Variants in HERC1 observed in about 807,000 individuals in gnomAD.
HERC1 encodes the protein HECT and RLD domain containing E3 ubiquitin protein ligase family member 1.
A neutral mutation model predicts 554.3 loss-of-function variants in HERC1; 160 were observed. The observed-to-expected ratio is 0.29, with a 90% CI of 0.25 to 0.33. The LOEUF (loss-of-function observed/expected upper bound fraction) is 0.33, where lower values mean the gene tolerates loss of function less well. HERC1 is among the 10% of genes least tolerant of loss of function. The pLI is 1.00. For synonymous variants in HERC1, 2,175 were observed against 2,131.7 expected (o/e 1.02, Z -0.56); for missense variants, 4,919 against 5,918.5 (o/e 0.83, Z 5.54).
chr15:63,762,319 A>ATTAT (rs779195461), intron 3 of HERC1, among the ~76,000 whole-genome samples: 12 of 152,042 alleles, frequency 7.9e-5, no homozygotes, highest in South Asian at 2.1e-4. Flanking sequence ...GTTCATAATG[A>ATTAT]TTATTTATTT....
In HERC1 at chr15:63,624,178, A is replaced by G. The variant is rs2068203451; in HGVS notation, c.13425T>C (p.Thr4475=). The change falls in exon 72 of 78, where the codon ACT becomes ACC. Residue 4475 remains threonine, a synonymous_variant. Coordinates refer to ENST00000443617, the MANE Select transcript of HERC1 (RefSeq NM_003922.4). ...VQGKNYGPQI[T]VKRISTRGRK... ...CTAACCTGGTTGATATCCTCTTTAC[A>G]GTTATCTGAGGTCCATAGTTTTTGC... 1 of 1,613,372 alleles carries G rather than the reference A, an allele frequency of 6.2e-7. No individual in the cohort carries two copies. The highest frequency in any genetic ancestry group is 1.1e-5 in the South Asian group (1 of 90,998).
At chr15:63,711,668 C>T (rs1052857878) in intron 24 of HERC1, among the ~76,000 whole-genome samples, 1 of 152,198 alleles carries the variant, frequency 6.6e-6, no homozygotes, top group Non-Finnish European at 1.5e-5. Flanking sequence ...AGAGGAATTT[C>T]AGAATTACAC....
At position 63,624,267 on chromosome 15, in the gene HERC1, A is replaced by G; in HGVS notation, c.13336T>C (p.Leu4446=). 1 of 1,613,812 alleles carries G rather than the reference A, an allele frequency of 6.2e-7. No homozygotes were observed. The part of the protein sequence containing the change: ...WGIVQGQLRP[L]LAPRVYTLPM... Reference sequence around the variant, plus strand: ...AGAGTGTAGACTCTTGGGGCTAACAAAGGCCGAAGTTGTCCCTGTACAATG... The same window carrying G: ...AGAGTGTAGACTCTTGGGGCTAACAGAGGCCGAAGTTGTCCCTGTACAATG... Residue 4446 remains leucine, a synonymous_variant, in exon 72 of 78, where the codon TTG becomes CTG. Transcript: ENST00000443617.
At chr15:63,636,196 T>C in intron 64 of HERC1, 54 bp from the exon 65 acceptor site, 3 of 1,511,546 alleles carry the variant, frequency 2.0e-6, no homozygotes, top group Non-Finnish European at 1.8e-6. Context: ...ACTCTCCTCT[T>C]TACTTGCAGC....
rs1197967541 is a variant in HERC1, at chr15:63,694,910, A to G, written c.5122-16T>C. 6.2e-7 allele frequency: 1 copy of G among 1,600,396 alleles called. No individual in the cohort carries two copies. Among genetic ancestry groups the G allele is most frequent in the Non-Finnish European group, 8.5e-7 (1 of 1,174,462 alleles). ...TGATCCCATCCTGAATTACACATAA[A>G]GAATTACTTTTTCTATTAGCAACAA... On this transcript the variant is annotated splice_polypyrimidine_tract_variant and intron_variant, in intron 27 of 77. Transcript: ENST00000443617. This position sits in a 1 kb window ranked among gnomAD's most constrained non-coding sequence, Gnocchi z 4.3.
chr15:63,727,590 G>A lies in HERC1; in HGVS notation c.3346+57C>T, dbSNP rs1293499299. On this transcript the variant is annotated intron_variant, in intron 17 of 77. Coordinates refer to ENST00000443617, the MANE Select transcript of HERC1 (RefSeq NM_003922.4). The surrounding 1 kb of genome is among the most constrained non-coding windows in gnomAD (Gnocchi z 4.3). ...CCAATGGAAAAACACAGTGATGTGT[G>A]CAAGAGGAACAACTTTTCTCAAAGG... 1.9e-5 allele frequency: 24 copies of A among 1,286,712 alleles called. No individual in the cohort carries two copies. The East Asian group carries it at 5.5e-4, about 30-fold the overall frequency. 79.7% of individuals were successfully genotyped at this position (1,286,712 alleles called of 1,614,324 possible). A position where few individuals can be genotyped will look rare whatever the true frequency, so the allele number is the denominator to read the frequency against.
intron 32 of HERC1, 62 bp downstream of exon 32, chr15:63,690,479 G>A (rs894242684): frequency 1.9e-6 from 2 of 1,056,522 alleles, no homozygotes; most frequent in African/African-American, 3.2e-5. Flanking sequence ...GTTAAGTACA[G>A]ATTTGGGTGA....
chr15:63,669,772 G>T, intron 39 of HERC1, 74 bp from the exon 40 acceptor site: 1 of 1,371,006 alleles, frequency 7.3e-7, no homozygotes, highest in Non-Finnish European at 1.0e-6. Flanking sequence ...TCTTCTTATA[G>T]AAGAATATGC....
intron 2 of HERC1, among the ~76,000 whole-genome samples, chr15:63,773,758 G>T (rs2076025724): frequency 6.6e-6 from 1 of 151,814 alleles, no homozygotes; most frequent in African/African-American, 2.4e-5. Context: ...TGGCCAGGCT[G>T]GTTTCAAACT....
chr15:63,641,548 T>C lies in HERC1; in HGVS notation c.11529A>G (p.Gly3843=), dbSNP rs1183482843. Residue 3843 remains glycine, a synonymous_variant, in exon 60 of 78, where the codon GGA becomes GGG. Transcript: ENST00000443617. The part of the protein sequence containing the change: ...RTALKQQGVL[G]LNMAPCMRAF... ...CTCTCATGCAGGGAGCCATGTTCAA[T>C]CCCAGAACACCCTGCTGTTTCAATG... is the stretch of plus-strand genomic sequence containing the variant. The C allele has an allele frequency of 1.2e-6, 2 of 1,612,514 alleles. No individual in the cohort carries two copies. Among genetic ancestry groups the C allele is most frequent in the East Asian group, 4.5e-5 (2 of 44,862 alleles).
At chr15:63,810,627 CT>C (rs1358582608) in intron 1 of HERC1, among the ~76,000 whole-genome samples, 5 of 151,690 alleles carry the variant, frequency 3.3e-5, no homozygotes, top group African/African-American at 9.7e-5. Flanking sequence ...TATATTGCTT[CT>C]TTTTTTTAAT....
chr15:63,762,798 A>T (rs1419501240), intron 3 of HERC1, among the ~76,000 whole-genome samples: 1 of 152,198 alleles, frequency 6.6e-6, no homozygotes, highest in African/African-American at 2.4e-5. Flanking sequence ...CTCTTCACAA[A>T]AATATTGCAA....
At chr15:63,682,431 T>C (rs777876627) in intron 34 of HERC1, among the ~76,000 whole-genome samples, 1 of 152,106 alleles carries the variant, frequency 6.6e-6, no homozygotes, top group Middle Eastern at 3.2e-3. Context: ...AATTAGCTTG[T>C]AGTTGCTCTC....
At chr15:63,798,008 AGTGGAT>A (rs2052476620) in intron 1 of HERC1, among the ~76,000 whole-genome samples, 1 of 152,204 alleles carries the variant, frequency 6.6e-6, no homozygotes, top group Non-Finnish European at 1.5e-5. Flanking sequence ...CTAAATGTTG[AGTGGAT>A]GTGAATGAGA....
intron 2 of HERC1, among the ~76,000 whole-genome samples, chr15:63,773,040 G>A (rs2075998512): frequency 6.6e-6 from 1 of 152,210 alleles, no homozygotes; most frequent in African/African-American, 2.4e-5. Context: ...CTTGTTGCGG[G>A]TAGGGGGAGA....
intron 22 of HERC1, among the ~76,000 whole-genome samples, chr15:63,714,619 G>A (rs149630766): frequency 0.037 from 5,161 of 139,506 alleles, 224 homozygotes; most frequent in African/African-American, 0.11. Context: ...GCACGATCTC[G>A]GCTCACTGCA....
At chr15:63,618,647 C>G (rs566652448) in intron 74 of HERC1, among the ~76,000 whole-genome samples, 127 of 152,226 alleles carry the variant, frequency 8.3e-4, no homozygotes, top group Non-Finnish European at 1.5e-3. Flanking sequence ...ATGGAATGTT[C>G]TTCCATTTAT....
intron 59 of HERC1, among the ~76,000 whole-genome samples, chr15:63,641,861 T>A (rs73441933): frequency 0.013 from 1,906 of 152,250 alleles, 37 homozygotes; most frequent in African/African-American, 0.041. Context: ...ATTTGTGAAC[T>A]ACCTCTGATT....
chr15:63,766,369 CTT>C, intron 2 of HERC1, among the ~76,000 whole-genome samples: 1 of 152,014 alleles, frequency 6.6e-6, no homozygotes, highest in East Asian at 1.9e-4. Context: ...GGGCAGATCA[CTT>C]GAGGTCAGGA....
Sources: gnomAD v4.1 joint callset for allele counts (sites outside exome capture counted in the v4.1 genomes callset) on GRCh38, gnomAD v4.1.1 for gene constraint, Gnocchi (gnomAD v3.1) non-coding constraint, MANE v1.5 for transcripts, NCBI Gene and HGNC (gene_info 2026-07-23, HGNC 2026-07-21) for gene names.